ARHGEF4: variants seen among roughly 807,000 people sequenced by gnomAD.
The protein encoded by ARHGEF4 is APC-stimulated guanine nucleotide exchange factor 1.
ARHGEF4 carries 119 observed loss-of-function variants against 162.0 expected under a neutral mutation model. That is an observed-to-expected ratio of 0.73 (90% CI 0.63 to 0.86). The LOEUF (loss-of-function observed/expected upper bound fraction) is 0.86, where lower values mean the gene tolerates loss of function less well. Among genes scored for constraint, ARHGEF4 ranks in the 40% least tolerant of loss-of-function variants. The probability of loss-of-function intolerance (pLI) is 0.00; values close to 1 mark genes in which losing one functional copy is unlikely to be tolerated. For missense variants in ARHGEF4, 2,488 were observed against 2,456.0 expected (o/e 1.01, Z -0.28); for synonymous variants, 1,014 against 979.9 (o/e 1.03, Z -0.65).
chr2:130,846,656 G>A (rs759782137), intron 1 of ARHGEF4, among the ~76,000 whole-genome samples: 3 of 152,200 alleles, frequency 2.0e-5, no homozygotes, highest in East Asian at 1.9e-4. Context: ...CCCTCAGGAG[G>A]TGCGGGGGCA....
In ARHGEF4 at chr2:131,046,544, C is replaced by T. The variant is rs1207850609; in HGVS notation, c.*355C>T. The T allele has an allele frequency of 9.4e-6, 2 of 211,804 alleles. No homozygotes were observed. The highest frequency in any genetic ancestry group is 1.9e-5 in the Non-Finnish European group (2 of 106,420). The allele number at this position is 211,804 out of a possible 1,614,324, so 13.1% of individuals were successfully genotyped here. On this transcript the variant is annotated 3_prime_UTR_variant, in exon 14 of 14. Transcript: ENST00000409359. ...GGCGCTACCTGCGTGGGACCCTCTT[C>T]TCTGGAAACCTAATCCTCCTTTCAT...
chr2:131,004,668 C>T (rs1213117816), intron 4 of ARHGEF4, among the ~76,000 whole-genome samples: 1 of 152,034 alleles, frequency 6.6e-6, no homozygotes, highest in African/African-American at 2.4e-5. Context: ...AGCCCTCTTT[C>T]TAGGGTGTGG....
intron 4 of ARHGEF4, among the ~76,000 whole-genome samples, chr2:130,953,856 C>G (rs1684105973): frequency 6.6e-6 from 1 of 152,158 alleles, no homozygotes; most frequent in Non-Finnish European, 1.5e-5. Context: ...CAATGAGATA[C>G]CATCTCACAC....
chr2:130,982,809 G>C (rs13030786), intron 4 of ARHGEF4, among the ~76,000 whole-genome samples: 140,691 of 152,150 alleles, frequency 0.92, 65,803 homozygotes, highest in Non-Finnish European at 0.99. Flanking sequence ...CTTTTTAAAG[G>C]TGTAATTTGA....
intron 5 of ARHGEF4, among the ~76,000 whole-genome samples, chr2:131,032,416 C>G (rs918929996): frequency 1.3e-5 from 2 of 152,040 alleles, no homozygotes; most frequent in African/African-American, 4.8e-5. Flanking sequence ...CATCCCTCCC[C>G]AGTCCTGACC....
Position 131,044,441 on chromosome 2 carries a change from GGGACAGCCACCTGCT to G in ARHGEF4, c.5302_5316del (p.Asp1768_Leu1772del). ...TTCCGGCTGCACCGTGGCGCCACAG[GGGACAGCCACCTGCT>G]GTGCACCAGGAAGCCCGAGCAGAAG... On this transcript the variant is annotated inframe_deletion, in exon 12 of 14. Coordinates refer to ENST00000409359, the MANE Select transcript of ARHGEF4 (RefSeq NM_001367493.1). 6.4e-7 allele frequency: 1 copy of G among 1,561,022 alleles called. No homozygotes were observed. The highest frequency in any genetic ancestry group is 8.7e-7 in the Non-Finnish European group (1 of 1,152,554).
chr2:130,950,312 C>T (rs986075778), intron 4 of ARHGEF4, among the ~76,000 whole-genome samples: 7 of 152,110 alleles, frequency 4.6e-5, no homozygotes, highest in African/African-American at 1.7e-4. Flanking sequence ...AAGATAAACC[C>T]CCACCACACC....
chr2:130,956,769 G>A (rs755607030), intron 4 of ARHGEF4, among the ~76,000 whole-genome samples: 14 of 138,852 alleles, frequency 1.0e-4, no homozygotes, highest in South Asian at 4.6e-4. Context: ...ATTGAACAAT[G>A]AGAACACATG....
chr2:130,937,159 C>CG (rs1171821037), intron 3 of ARHGEF4, among the ~76,000 whole-genome samples: 18 of 151,736 alleles, frequency 1.2e-4, no homozygotes, highest in Non-Finnish European at 2.1e-4. Flanking sequence ...GATCTTCCCC[C>CG]CTCGGCCTCC....
chr2:131,047,005 G>T lies in ARHGEF4; in HGVS notation c.*816G>T, dbSNP rs761412797. On this transcript the variant is annotated 3_prime_UTR_variant, in exon 14 of 14. Coordinates refer to ENST00000409359, the MANE Select transcript of ARHGEF4 (RefSeq NM_001367493.1). Reference sequence around the variant, plus strand: ...TGACACAGAAGATTGCCTTACGCTCGTGAGCGTGAGAAGCCATAAGAGAGA... The same window carrying T: ...TGACACAGAAGATTGCCTTACGCTCTTGAGCGTGAGAAGCCATAAGAGAGA... 2 of 152,552 alleles carry T rather than the reference G, an allele frequency of 1.3e-5. No homozygotes were observed. Among genetic ancestry groups the T allele is most frequent in the African/African-American group, 2.4e-5 (1 of 41,462 alleles). The allele number at this position is 152,552 out of a possible 1,614,324, so 9.4% of individuals were successfully genotyped here. A position where few individuals can be genotyped will look rare whatever the true frequency, so the allele number is the denominator to read the frequency against.
chr2:130,876,467 C>A (rs1221413547), intron 1 of ARHGEF4, among the ~76,000 whole-genome samples: 3 of 152,200 alleles, frequency 2.0e-5, no homozygotes, highest in East Asian at 3.9e-4. Flanking sequence ...TCTCGGCTCA[C>A]TGCAAGCTCC....
intron 1 of ARHGEF4, among the ~76,000 whole-genome samples, chr2:130,898,163 C>T (rs1680271014): frequency 6.6e-6 from 1 of 152,168 alleles, no homozygotes; most frequent in South Asian, 2.1e-4. Flanking sequence ...ACAAAGATGC[C>T]CCCAGGCTAG....
chr2:131,013,000 G>C (rs1313925033), intron 4 of ARHGEF4, among the ~76,000 whole-genome samples: 3 of 152,188 alleles, frequency 2.0e-5, no homozygotes, highest in Admixed American at 2.0e-4. Flanking sequence ...CAAGATCCAG[G>C]AAAAACTATT....
intron 5 of ARHGEF4, among the ~76,000 whole-genome samples, chr2:131,029,819 G>T (rs1689720102): frequency 6.6e-6 from 1 of 152,218 alleles, no homozygotes; most frequent in Admixed American, 6.5e-5. Flanking sequence ...CTCCCAAAGT[G>T]CTGGGATTAC....
chr2:130,971,255 T>C (rs1314553482), intron 4 of ARHGEF4, among the ~76,000 whole-genome samples: 1 of 152,264 alleles, frequency 6.6e-6, no homozygotes, highest in Non-Finnish European at 1.5e-5. Context: ...TCTGTTCTGT[T>C]CCATGCTGTA....
In ARHGEF4 at chr2:130,918,570, A is replaced by G. The variant is rs181704572; in HGVS notation, c.3552+1072A>G. On this transcript the variant is annotated intron_variant, in intron 2 of 13. Transcript: ENST00000409359. ...CTCTCGGGCGCTCCCCTCCGCCTGC[A>G]GGCAGATGTCAGCCACACCTGGGCT... 6.6e-3 allele frequency among the ~76,000 whole-genome samples: 1,003 copies of G among 152,322 alleles called. 13 individuals carry two copies. Among genetic ancestry groups the G allele is most frequent in the African/African-American group, 0.02 (827 of 41,576 alleles).
intron 4 of ARHGEF4, among the ~76,000 whole-genome samples, chr2:130,980,715 G>A (rs931248578): frequency 4.6e-5 from 7 of 152,152 alleles, no homozygotes; most frequent in African/African-American, 1.4e-4. Context: ...TTGTTTTCAG[G>A]TACATACATG....
At chr2:130,881,650 G>A (rs1202176320) in intron 1 of ARHGEF4, among the ~76,000 whole-genome samples, 1 of 152,146 alleles carries the variant, frequency 6.6e-6, no homozygotes, top group African/African-American at 2.4e-5. Context: ...AGACGTACAA[G>A]GTTTTGCTAT....
chr2:130,977,216 G>A (rs377289003), intron 4 of ARHGEF4, among the ~76,000 whole-genome samples: 323 of 151,438 alleles, frequency 2.1e-3, no homozygotes, highest in Middle Eastern at 0.01. Context: ...GTTTTTGTGC[G>A]GTGTGCGTGT....
Sources: gnomAD v4.1 joint callset for allele counts (sites outside exome capture counted in the v4.1 genomes callset) on GRCh38, gnomAD v4.1.1 for gene constraint, MANE v1.5 for transcripts, NCBI Gene and HGNC (gene_info 2026-07-23, HGNC 2026-07-21) for gene names.